The following PCDH15 variants were observed in gnomAD, a reference collection of about 807,000 sequenced individuals.
The protein encoded by PCDH15 is protocadherin related 15.
In PCDH15, 129 loss-of-function variants were observed where a neutral mutation model predicts 178.5. That is an observed-to-expected ratio of 0.72 (90% CI 0.63 to 0.84). PCDH15 has a LOEUF of 0.84. Ranked by LOEUF, PCDH15 falls within the 40% of genes least tolerant of loss-of-function variation. The pLI, the probability that PCDH15 is intolerant of heterozygous loss-of-function variation, is 0.00. For synonymous variants in PCDH15, 800 were observed against 732.0 expected (o/e 1.09, Z -1.50); for missense variants, 2,230 against 2,099.9 (o/e 1.06, Z -1.21).
intron 3 of PCDH15, among the ~76,000 whole-genome samples, chr10:54,405,943 T>G (rs1302650636): frequency 6.6e-6 from 1 of 152,078 alleles, no homozygotes; most frequent in Non-Finnish European, 1.5e-5. Flanking sequence ...ATGTTCTTAT[T>G]TCTACCATAT....
chr10:54,048,881 G>T (rs2093709214), intron 18 of PCDH15, among the ~76,000 whole-genome samples: 1 of 146,148 alleles, frequency 6.8e-6, no homozygotes, highest in Non-Finnish European at 1.5e-5. Context: ...TTTCAGAACA[G>T]TTTTTTTTTT....
chr10:55,167,264 C>T (rs1839219832), intron 1 of PCDH15, among the ~76,000 whole-genome samples: 2 of 152,018 alleles, frequency 1.3e-5, no homozygotes, highest in Admixed American at 6.6e-5. Flanking sequence ...CAGATATGTG[C>T]CACCATACTC....
intron 1 of PCDH15, among the ~76,000 whole-genome samples, chr10:55,305,370 T>C (rs763054275): frequency 6.6e-6 from 1 of 152,176 alleles, no homozygotes; most frequent in Non-Finnish European, 1.5e-5. Flanking sequence ...TGTTTCAATA[T>C]CACAACAACC....
intron 13 of PCDH15, among the ~76,000 whole-genome samples, chr10:54,163,899 C>T (rs1389565419): frequency 6.6e-6 from 1 of 152,098 alleles, no homozygotes; most frequent in Non-Finnish European, 1.5e-5. Flanking sequence ...TCTCTGGGAA[C>T]TACGGACAAT....
At chr10:55,481,846 G>C (rs1461922465) in intron 2 of PCDH15, among the ~76,000 whole-genome samples, 1 of 151,744 alleles carries the variant, frequency 6.6e-6, no homozygotes, top group Non-Finnish European at 1.5e-5. Flanking sequence ...GTGTCTATCA[G>C]GTGCATTTGA....
At chr10:54,257,168 T>C (rs1225798661) in intron 8 of PCDH15, among the ~76,000 whole-genome samples, 2 of 151,912 alleles carry the variant, frequency 1.3e-5, no homozygotes, top group African/African-American at 4.8e-5. Context: ...TGTCAAGGAG[T>C]TGAAAATATA....
At chr10:55,110,601 C>A (rs1837476930) in intron 2 of PCDH15, among the ~76,000 whole-genome samples, 5 of 151,494 alleles carry the variant, frequency 3.3e-5, no homozygotes, top group Admixed American at 6.6e-5. Flanking sequence ...TACTAATAAA[C>A]CCTCATTTAA....
chr10:55,018,504 T>A (rs1310670358), intron 2 of PCDH15, among the ~76,000 whole-genome samples: 2 of 152,112 alleles, frequency 1.3e-5, no homozygotes, highest in African/African-American at 2.4e-5. Flanking sequence ...TTTTTATTGT[T>A]TGTTTTCAAG....
chr10:55,145,084 A>G (rs1838468096), intron 2 of PCDH15, among the ~76,000 whole-genome samples: 1 of 152,088 alleles, frequency 6.6e-6, no homozygotes, highest in South Asian at 2.1e-4. Flanking sequence ...TTGGACAACT[A>G]CAACAGAGTA....
intron 2 of PCDH15, among the ~76,000 whole-genome samples, chr10:54,905,434 CA>C (rs1335518125): frequency 6.6e-6 from 1 of 152,026 alleles, no homozygotes; most frequent in Admixed American, 6.6e-5. Flanking sequence ...ATGGAGTTTC[CA>C]AGCATGCTGT....
At chr10:54,868,966 T>A (rs778136083) in intron 3 of PCDH15, 1 of 152,162 alleles carries the variant, frequency 6.6e-6, no homozygotes, top group Non-Finnish European at 1.5e-5. Context: ...TAGCATGGAA[T>A]AAAATAGTAA....
At chr10:54,900,290 G>A (rs538865627) in intron 2 of PCDH15, among the ~76,000 whole-genome samples, 18 of 152,160 alleles carry the variant, frequency 1.2e-4, no homozygotes, top group African/African-American at 3.1e-4. Context: ...TATAATATTC[G>A]AACGTGATAA....
intron 8 of PCDH15, among the ~76,000 whole-genome samples, chr10:54,248,242 C>G (rs2056177435): frequency 6.6e-6 from 1 of 151,736 alleles, no homozygotes; most frequent in African/African-American, 2.4e-5. Context: ...TCTATCTCTG[C>G]TATTTAACTT....
chr10:54,567,948 C>G (rs1452345941), intron 2 of PCDH15, among the ~76,000 whole-genome samples: 1 of 152,034 alleles, frequency 6.6e-6, no homozygotes, highest in Non-Finnish European at 1.5e-5. Flanking sequence ...TTGAGTAATT[C>G]AATCTTGTAA....
intron 1 of PCDH15, among the ~76,000 whole-genome samples, chr10:55,173,283 T>C (rs1210259243): frequency 6.8e-6 from 1 of 147,728 alleles, no homozygotes; most frequent in African/African-American, 2.5e-5. Context: ...AAAATAGGAA[T>C]CCTTTGATTC....
chr10:55,588,332 TG>T (rs1842768530), intron 2 of PCDH15, among the ~76,000 whole-genome samples: 4 of 152,200 alleles, frequency 2.6e-5, no homozygotes, highest in Admixed American at 2.6e-4. Context: ...GCAAGTTGCC[TG>T]CTTCTGAAAA....
intron 26 of PCDH15, 119 bp downstream of exon 26, chr10:53,903,124 G>T: frequency 8.6e-7 from 1 of 1,162,956 alleles, no homozygotes; most frequent in Non-Finnish European, 1.2e-6. Context: ...ATAGCTCCAA[G>T]TTTCAGGCTT....
In PCDH15 at chr10:55,207,719, A is replaced by C. The variant is rs1840440833; in HGVS notation, c.-155-41068T>G. Reference sequence around the variant, plus strand: ...TGCCATGGCTTACGCCTGTAGTCCCAGCACTTGGGAGGCTGAGGCGGGCAT... The same window carrying C: ...TGCCATGGCTTACGCCTGTAGTCCCCGCACTTGGGAGGCTGAGGCGGGCAT... On this transcript the variant is annotated intron_variant, in intron 1 of 5. Transcript: ENST00000458638. 2.0e-5 allele frequency among the ~76,000 whole-genome samples: 3 copies of C among 152,294 alleles called. No individual in the cohort carries two copies. The South Asian group carries it at 6.2e-4, about 32-fold the overall frequency.
chr10:54,688,854 A>C (rs1236542898), intron 1 of PCDH15, among the ~76,000 whole-genome samples: 2 of 152,164 alleles, frequency 1.3e-5, no homozygotes, highest in Non-Finnish European at 2.9e-5. Flanking sequence ...CATAGAATAA[A>C]GAACCAAAGC....
Sources: gnomAD v4.1 joint callset for allele counts (sites outside exome capture counted in the v4.1 genomes callset) on GRCh38, gnomAD v4.1.1 for gene constraint, MANE v1.5 for transcripts, NCBI Gene and HGNC (gene_info 2026-07-23, HGNC 2026-07-21) for gene names.